NBAS: variants seen among roughly 807,000 people sequenced by gnomAD.
NBAS encodes the protein NBAS subunit of NRZ tethering complex.
A neutral mutation model predicts 302.5 loss-of-function variants in NBAS; 219 were observed. The observed-to-expected ratio is 0.72, with a 90% CI of 0.65 to 0.81. NBAS has a LOEUF of 0.81. Ranked by LOEUF, NBAS falls within the 30% of genes least tolerant of loss-of-function variation. The pLI, the probability that NBAS is intolerant of heterozygous loss-of-function variation, is 0.00. For missense variants in NBAS, 2,932 were observed against 2,841.6 expected (o/e 1.03, Z -0.72); for synonymous variants, 1,118 against 1,021.6 (o/e 1.09, Z -1.80).
chr2:15,334,708 C>A (rs1015057054), intron 35 of NBAS, among the ~76,000 whole-genome samples: 1 of 152,132 alleles, frequency 6.6e-6, no homozygotes, highest in African/African-American at 2.4e-5. Context: ...GATGCAAAGA[C>A]AATTACAGCC....
At chr2:15,442,710 A>G (rs1678493948) in intron 21 of NBAS, among the ~76,000 whole-genome samples, 1 of 152,072 alleles carries the variant, frequency 6.6e-6, no homozygotes, top group African/African-American at 2.4e-5. Context: ...TAATGAATCC[A>G]GGAGCTAGTT....
chr2:15,335,096 G>C (rs1208116268), intron 35 of NBAS, among the ~76,000 whole-genome samples: 1 of 151,488 alleles, frequency 6.6e-6, no homozygotes, highest in African/African-American at 2.4e-5. Context: ...CCGCACTTCG[G>C]GAGGTCAAAG....
chr2:15,006,984 A>C, the NBAS span, among the ~76,000 whole-genome samples: 1 of 152,198 alleles, frequency 6.6e-6, no homozygotes, highest in Non-Finnish European at 1.5e-5. Context: ...TCTACTTAAA[A>C]CATCATTAAA....
chr2:14,812,296 T>G, the NBAS span, among the ~76,000 whole-genome samples: 1 of 152,170 alleles, frequency 6.6e-6, no homozygotes, highest in Admixed American at 6.5e-5. Context: ...ATAAAACTTG[T>G]CAGTTCCTAC....
the NBAS span, among the ~76,000 whole-genome samples, chr2:14,904,287 A>C: frequency 6.6e-6 from 1 of 152,220 alleles, no homozygotes; most frequent in Non-Finnish European, 1.5e-5. Flanking sequence ...GTAATGGCTC[A>C]GTCTGAGTCC....
chr2:15,238,399 T>C, intron 45 of NBAS, 69 bp downstream of exon 45: 1 of 1,492,804 alleles, frequency 6.7e-7, no homozygotes, highest in Non-Finnish European at 9.2e-7. Flanking sequence ...ACGACTAATG[T>C]AACTTTCAAG....
In NBAS at chr2:15,403,908, C is replaced by CT. The variant is rs11286593; in HGVS notation, c.2938-1608dup. Among the ~76,000 whole-genome samples the CT allele has an allele frequency of 3.4e-4, 46 of 134,142 alleles. 1 individual carries two copies. The highest frequency in any genetic ancestry group is 1.6e-3 in the South Asian group (7 of 4,296). 88.0% of individuals were successfully genotyped at this position (134,142 alleles called of 152,430 possible). ...GTGTGTGTGTGTGTGTGTCTATACA[C>CT]TTTTTTTTTTTTTCCAGATACAAGG... On this transcript the variant is annotated intron_variant, in intron 25 of 51. Transcript: ENST00000281513.
the NBAS span, among the ~76,000 whole-genome samples, chr2:14,948,164 G>T: frequency 2.0e-5 from 3 of 151,908 alleles, no homozygotes; most frequent in Non-Finnish European, 4.4e-5. Context: ...TTGACCTGTG[G>T]TTTTCTTTTT....
the NBAS span, among the ~76,000 whole-genome samples, chr2:15,145,301 C>T: frequency 6.6e-6 from 1 of 151,868 alleles, no homozygotes; most frequent in South Asian, 2.1e-4. Context: ...TTCCTCTAAG[C>T]CCTGTGCTTT....
chr2:15,120,424 A>T, the NBAS span, among the ~76,000 whole-genome samples: 1 of 151,956 alleles, frequency 6.6e-6, no homozygotes, highest in Non-Finnish European at 1.5e-5. Flanking sequence ...TGTCCTTTCC[A>T]CTTCAGGTAT....
the NBAS span, among the ~76,000 whole-genome samples, chr2:14,981,988 T>C: frequency 6.6e-6 from 1 of 152,228 alleles, no homozygotes; most frequent in Non-Finnish European, 1.5e-5. Flanking sequence ...CTTGCCGTAG[T>C]GATTTTCTTG....
the NBAS span, among the ~76,000 whole-genome samples, chr2:15,087,338 T>C: frequency 6.6e-6 from 1 of 152,162 alleles, no homozygotes; most frequent in South Asian, 2.1e-4. Flanking sequence ...AATAGGTACC[T>C]GAGTAACTTC....
chr2:15,357,807 T>C (rs1375549053), intron 32 of NBAS, among the ~76,000 whole-genome samples: 2 of 152,222 alleles, frequency 1.3e-5, no homozygotes, highest in Non-Finnish European at 2.9e-5. Flanking sequence ...GAATGGGATA[T>C]GGCTCCCCCT....
chr2:15,287,294 T>A, intron 41 of NBAS, 111 bp from the exon 42 acceptor site: 2 of 789,196 alleles, frequency 2.5e-6, no homozygotes, highest in East Asian at 5.2e-5. Context: ...GTGCAAGCAG[T>A]GTGGTCCTTA....
intron 26 of NBAS, chr2:15,397,493 G>A: frequency 3.6e-6 from 2 of 553,790 alleles, no homozygotes; most frequent in Non-Finnish European, 6.6e-6. Context: ...TTGGCGTGGG[G>A]GTGTTCGGTC....
At chr2:15,111,761 A>G in the NBAS span, among the ~76,000 whole-genome samples, 2 of 151,774 alleles carry the variant, frequency 1.3e-5, no homozygotes, top group Non-Finnish European at 2.9e-5. Flanking sequence ...TTGGGGAAGG[A>G]GCAAGGAACG....
the NBAS span, among the ~76,000 whole-genome samples, chr2:14,975,128 G>A: frequency 6.6e-6 from 1 of 152,056 alleles, no homozygotes; most frequent in Non-Finnish European, 1.5e-5. Flanking sequence ...GAACCTAGAA[G>A]CAGATTTTTC....
At chr2:14,956,596 G>T in the NBAS span, among the ~76,000 whole-genome samples, 1 of 152,176 alleles carries the variant, frequency 6.6e-6, no homozygotes, top group East Asian at 1.9e-4. Context: ...AAGGCCTTAA[G>T]AAACTTACAA....
chr2:15,157,557 G>A, the NBAS span, among the ~76,000 whole-genome samples: 9 of 151,968 alleles, frequency 5.9e-5, no homozygotes, highest in African/African-American at 1.5e-4. Flanking sequence ...CCCTCCCCGG[G>A]GTCTTAAGAT....
Sources: gnomAD v4.1 joint callset for allele counts (sites outside exome capture counted in the v4.1 genomes callset) on GRCh38, gnomAD v4.1.1 for gene constraint, MANE v1.5 for transcripts, NCBI Gene and HGNC (gene_info 2026-07-23, HGNC 2026-07-21) for gene names.